CNTRL: variants seen among roughly 807,000 people sequenced by gnomAD.
CNTRL encodes 110 kDa centrosomal protein.
In CNTRL, 233 loss-of-function variants were observed where a neutral mutation model predicts 303.7. The observed-to-expected ratio is 0.77, with a 90% CI of 0.69 to 0.86. The LOEUF (loss-of-function observed/expected upper bound fraction) is 0.86. Among genes scored for constraint, CNTRL ranks in the 40% least tolerant of loss-of-function variants. The pLI is 0.00. For synonymous variants in CNTRL, 900 were observed against 922.2 expected, an observed-to-expected ratio of 0.98 and a Z score of 0.44; for missense variants, 2,524 against 2,650.6, an observed-to-expected ratio of 0.95 and a Z score of 1.05.
chr9:121,110,061 A>G (rs2133070356), intron 8 of CNTRL, among the ~76,000 whole-genome samples: 1 of 152,254 alleles, frequency 6.6e-6, no homozygotes, highest in African/African-American at 2.4e-5. Context: ...GAAGTTTTCC[A>G]TTTTAAAAAA....
rs766060888 is a variant in CNTRL at position 121,135,851 on chromosome 9, A to C, written c.2071A>C (p.Asn691His). The C allele has an allele frequency of 3.1e-6, 5 of 1,613,984 alleles. No homozygotes were observed. The highest frequency in any genetic ancestry group is 4.2e-6 in the Non-Finnish European group (5 of 1,179,930). The stretch of plus-strand genomic sequence containing the variant: ...TGCCCTCCAAGAGCAGCATGAGGTG[A>C]ATGCATCTTTGCAGCAGACCCAGGG... ...ESALQEQHEV[N>H]ASLQQTQGDL... Residue 691 changes from asparagine to histidine, a missense_variant, in exon 15 of 44, where the codon AAT becomes CAT. Coordinates refer to ENST00000373855, the MANE Select transcript of CNTRL (RefSeq NM_007018.6).
intron 7 of CNTRL, among the ~76,000 whole-genome samples, chr9:121,101,619 T>A (rs931112164): frequency 1.3e-5 from 2 of 152,098 alleles, no homozygotes; most frequent in African/African-American, 4.8e-5. Context: ...AGGAGCTGGT[T>A]TTTTGAAAGA....
chr9:121,143,854 A>G, intron 19 of CNTRL, 49 bp from the exon 20 acceptor site: 5 of 1,466,768 alleles, frequency 3.4e-6, no homozygotes, highest in Non-Finnish European at 3.7e-6. Flanking sequence ...ATCTGAATTC[A>G]TTCCTGCCAA....
intron 14 of CNTRL, among the ~76,000 whole-genome samples, chr9:121,126,515 ATAT>A (rs879261746): frequency 3.3e-5 from 5 of 152,300 alleles, no homozygotes; most frequent in East Asian, 3.9e-4. Flanking sequence ...ATATATTTTA[ATAT>A]TATGAAATAT....
intron 34 of CNTRL, among the ~76,000 whole-genome samples, chr9:121,163,030 A>G (rs1398284116): frequency 6.6e-6 from 1 of 152,136 alleles, no homozygotes; most frequent in East Asian, 1.9e-4. Context: ...CTCACTATGT[A>G]TAATATATAA....
chr9:121,093,443 G>C (rs1345098679), intron 4 of CNTRL, among the ~76,000 whole-genome samples: 2 of 152,182 alleles, frequency 1.3e-5, no homozygotes, highest in Non-Finnish European at 2.9e-5. Flanking sequence ...TGCTTAACCA[G>C]TAAGTATAAT....
At chr9:121,157,048 CTG>C (rs1395221525) in intron 27 of CNTRL, among the ~76,000 whole-genome samples, 14 of 152,126 alleles carry the variant, frequency 9.2e-5, no homozygotes, top group African/African-American at 2.7e-4. Context: ...TTTCAAATGA[CTG>C]TATTTATTTT....
At chr9:121,123,121 C>G (rs2050323638) in intron 12 of CNTRL, among the ~76,000 whole-genome samples, 1 of 151,974 alleles carries the variant, frequency 6.6e-6, no homozygotes, top group Non-Finnish European at 1.5e-5. Flanking sequence ...TACTTATCTA[C>G]TATAAAAGTT....
At chr9:121,143,288 TC>T (rs2051627544) in intron 19 of CNTRL, among the ~76,000 whole-genome samples, 1 of 152,226 alleles carries the variant, frequency 6.6e-6, no homozygotes. Context: ...ATGTCCTTTT[TC>T]CTTCTCTGAT....
intron 25 of CNTRL, 128 bp from the exon 26 acceptor site, chr9:121,152,357 T>C (rs879771211): frequency 5.8e-6 from 4 of 686,632 alleles, no homozygotes; most frequent in Middle Eastern, 3.4e-4. Context: ...ACCAAAGTCT[T>C]AGAATCTACC....
At chr9:121,175,999 A>T (rs761743519) in intron 43 of CNTRL, among the ~76,000 whole-genome samples, 1 of 152,218 alleles carries the variant, frequency 6.6e-6, no homozygotes, top group Non-Finnish European at 1.5e-5. Context: ...AGCTTAGATA[A>T]GGTTAATAAG....
chr9:121,086,880 T>G (rs2048365318), intron 2 of CNTRL, among the ~76,000 whole-genome samples: 1 of 152,162 alleles, frequency 6.6e-6, no homozygotes, highest in Non-Finnish European at 1.5e-5. Context: ...CTCAAACTCC[T>G]GACCTCAGAT....
At chr9:121,106,762 A>C (rs2049497210) in intron 7 of CNTRL, among the ~76,000 whole-genome samples, 1 of 152,166 alleles carries the variant, frequency 6.6e-6, no homozygotes, top group African/African-American at 2.4e-5. Context: ...CTTGAGAAAC[A>C]TGGCAAGTTT....
intron 8 of CNTRL, among the ~76,000 whole-genome samples, chr9:121,108,327 A>G (rs2049579522): frequency 6.6e-6 from 1 of 152,222 alleles, no homozygotes; most frequent in African/African-American, 2.4e-5. Context: ...CTTTTTGGAC[A>G]TGGAATCCAT....
chr9:121,117,751 G>A (rs1033822896), intron 11 of CNTRL, among the ~76,000 whole-genome samples: 8 of 152,216 alleles, frequency 5.3e-5, no homozygotes, highest in Non-Finnish European at 1.2e-4. Context: ...AGGCCGAGAC[G>A]GGTGGATCAT....
intron 8 of CNTRL, among the ~76,000 whole-genome samples, chr9:121,109,464 A>G (rs373347958): frequency 4.7e-4 from 71 of 152,190 alleles, no homozygotes; most frequent in African/African-American, 1.7e-3. Flanking sequence ...TTTAAAGTCT[A>G]TGTTGTGTTC....
In CNTRL at chr9:121,107,831, G is replaced by GA. The variant is rs750317819; in HGVS notation, c.845dup (p.Met283AspfsTer5). The GA allele has an allele frequency of 3.1e-6, 5 of 1,587,816 alleles. No individual in the cohort carries two copies. The highest frequency in any genetic ancestry group is 2.3e-5 in the East Asian group (1 of 44,290). On this transcript the variant is annotated frameshift_variant, in exon 8 of 44. Coordinates refer to ENST00000373855, the MANE Select transcript of CNTRL (RefSeq NM_007018.6). LOFTEE classifies it high-confidence loss of function. ...GGTAGAAAGACTGGAAAGAGACCTA[G>GA]AAAAAAAGATGATAGAAACTGAAGA...
intron 7 of CNTRL, among the ~76,000 whole-genome samples, chr9:121,100,083 T>C (rs967883592): frequency 2.0e-5 from 3 of 152,074 alleles, no homozygotes; most frequent in Non-Finnish European, 4.4e-5. Context: ...TCCTCGAGAA[T>C]AGCAACTCCA....
chr9:121,096,486 G>A lies in CNTRL; in HGVS notation c.544G>A (p.Glu182Lys). 6.4e-7 allele frequency: 1 copy of A among 1,572,360 alleles called. No individual in the cohort carries two copies. Among genetic ancestry groups the A allele is most frequent in the Non-Finnish European group, 8.7e-7 (1 of 1,155,478 alleles). Residue 182 changes from glutamate to lysine, a missense_variant, in exon 6 of 44, where the codon GAG (glutamate) becomes AAG (lysine). Glu to Lys is a moderately conservative substitution (Grantham distance 56). Coordinates refer to ENST00000373855, the MANE Select transcript of CNTRL (RefSeq NM_007018.6). The stretch of plus-strand genomic sequence containing the variant: ...GCTTAACCTTGCAGGAAATGAAATT[G>A]AGCATATTCCAGTATGGTTAGGGAA... Reference protein sequence around the residue: ...QKLNLAGNEIEHIPVWLGKKL... With the variant: ...QKLNLAGNEIKHIPVWLGKKL...
Sources: gnomAD v4.1 joint callset for allele counts (sites outside exome capture counted in the v4.1 genomes callset) on GRCh38, gnomAD v4.1.1 for gene constraint, MANE v1.5 for transcripts, NCBI Gene and HGNC (gene_info 2026-07-23, HGNC 2026-07-21) for gene names.